Variants in CPA3 observed in about 807,000 individuals in gnomAD.
CPA3 encodes the protein mast cell carboxypeptidase A.
Under a neutral mutation model 55.8 loss-of-function variants are expected in CPA3, and 52 were observed. That is an observed-to-expected ratio of 0.93 (90% CI 0.75 to 1.17). The LOEUF (loss-of-function observed/expected upper bound fraction) is 1.17, where lower values mean the gene tolerates loss of function less well. Ranked by LOEUF, CPA3 falls within the 50% of genes most tolerant of loss-of-function variation. The pLI, the probability that CPA3 is intolerant of heterozygous loss-of-function variation, is 0.00. For synonymous variants in CPA3, 179 were observed against 171.2 expected (o/e 1.05, Z -0.36); for missense variants, 547 against 509.1 (o/e 1.07, Z -0.72).
intron 2 of CPA3, among the ~76,000 whole-genome samples, chr3:148,865,804 C>T (rs1015783268): frequency 1.3e-5 from 2 of 152,114 alleles, no homozygotes; most frequent in African/African-American, 4.8e-5. Context: ...ACTATGAAAT[C>T]AGGAGCTGTT....
intron 10 of CPA3, among the ~76,000 whole-genome samples, chr3:148,886,726 TAG>T (rs1245130271): frequency 2.0e-5 from 3 of 152,032 alleles, no homozygotes; most frequent in Non-Finnish European, 2.9e-5. Flanking sequence ...TTAGATGGAG[TAG>T]AGTCTACATT....
intron 2 of CPA3, among the ~76,000 whole-genome samples, chr3:148,868,382 G>C (rs1713964616): frequency 6.6e-6 from 1 of 152,076 alleles, no homozygotes. Flanking sequence ...ATTATTTCAG[G>C]AGAGAGGAGT....
rs551718711 is a variant in CPA3 at position 148,870,984 on chromosome 3, C to T, written c.269+1945C>T. Among the ~76,000 whole-genome samples, 341 of 152,190 alleles carry T rather than the reference C, an allele frequency of 2.2e-3. 1 individual carries two copies. Among genetic ancestry groups the T allele is most frequent in the African/African-American group, 8.0e-3 (333 of 41,500 alleles). ...CGCAATCTGGGTTCACTGCAAGCTC[C>T]GCCTCCCGGGTTCACGCCATTCTCC... On this transcript the variant is annotated intron_variant, in intron 3 of 10. Transcript: ENST00000296046.
At chr3:148,887,688 G>C (rs752917486) in intron 10 of CPA3, among the ~76,000 whole-genome samples, 2 of 152,124 alleles carry the variant, frequency 1.3e-5, no homozygotes, top group Non-Finnish European at 2.9e-5. Context: ...GAATTATTTA[G>C]TAAAAACTAC....
intron 2 of CPA3, among the ~76,000 whole-genome samples, chr3:148,866,766 T>C (rs895315930): frequency 2.6e-5 from 4 of 152,010 alleles, no homozygotes; most frequent in African/African-American, 9.7e-5. Context: ...TTTTTGTTTG[T>C]TATTGTTTTT....
At chr3:148,891,139 G>C (rs57372778) in intron 10 of CPA3, among the ~76,000 whole-genome samples, 1 of 151,900 alleles carries the variant, frequency 6.6e-6, no homozygotes, top group Non-Finnish European at 1.5e-5. Flanking sequence ...TTTCTTCTTC[G>C]GTAAAATGGT....
Position 148,886,348 on chromosome 3 carries a change from C to G in CPA3, c.1066+171C>G, listed in dbSNP as rs139466477. On this transcript the variant is annotated intron_variant, in intron 10 of 10. Coordinates refer to ENST00000296046, the MANE Select transcript of CPA3 (RefSeq NM_001870.4). ...CGTGAATCTAGGGGATAGATTCTGA[C>G]CTTTTCTTGGGATAAGATTTTTCTA... Among the ~76,000 whole-genome samples the G allele has an allele frequency of 2.6e-3, 398 of 152,224 alleles. 1 individual carries two copies. The highest frequency in any genetic ancestry group is 4.6e-3 in the Non-Finnish European group (310 of 68,014).
intron 10 of CPA3, among the ~76,000 whole-genome samples, chr3:148,886,513 T>A (rs1220016497): frequency 6.7e-6 from 1 of 150,256 alleles, no homozygotes; most frequent in Non-Finnish European, 1.5e-5. Context: ...CAGGAACTAA[T>A]GAGAATTCAC....
intron 3 of CPA3, among the ~76,000 whole-genome samples, chr3:148,874,093 T>C (rs1714145317): frequency 6.6e-6 from 1 of 152,190 alleles, no homozygotes; most frequent in Non-Finnish European, 1.5e-5. Flanking sequence ...TTTCCAGCCT[T>C]AGGCTTAATT....
At chr3:148,878,207 T>C (rs191905064) in intron 3 of CPA3, among the ~76,000 whole-genome samples, 16 of 152,302 alleles carry the variant, frequency 1.1e-4, no homozygotes, top group Admixed American at 9.8e-4. Context: ...ATGTCCTGTA[T>C]GCACTTGGGG....
rs148336013 is a variant in CPA3, at chr3:148,873,375, G to GCA, written c.269+4337_269+4338insAC. Among the ~76,000 whole-genome samples the GCA allele has an allele frequency of 9.6e-4, 114 of 118,972 alleles. 1 individual carries two copies. The highest frequency in any genetic ancestry group is 1.8e-3 in the Non-Finnish European group (94 of 52,748). The allele number at this position is 118,972 out of a possible 152,430, so 78.1% of individuals were successfully genotyped here. A position where few individuals can be genotyped will look rare whatever the true frequency, so the allele number is the denominator to read the frequency against. ...CCCCAGTGCATGCACGCGCGCACACGCGCACACACACACACACACACACAC... is the reference window on the plus strand; with the variant it reads ...CCCCAGTGCATGCACGCGCGCACACGCACGCACACACACACACACACACACAC... On this transcript the variant is annotated intron_variant, in intron 3 of 10. Coordinates refer to ENST00000296046, the MANE Select transcript of CPA3 (RefSeq NM_001870.4).
At chr3:148,893,833 G>T (rs548069903) in intron 10 of CPA3, among the ~76,000 whole-genome samples, 8 of 152,188 alleles carry the variant, frequency 5.3e-5, no homozygotes, top group African/African-American at 1.9e-4. Flanking sequence ...GATTTTTCAT[G>T]TGAAACCATG....
In CPA3 at chr3:148,883,596, AC is replaced by A. The variant is rs1282147069; in HGVS notation, c.779-15del. On this transcript the variant is annotated splice_polypyrimidine_tract_variant and intron_variant, in intron 8 of 10. Coordinates refer to ENST00000296046, the MANE Select transcript of CPA3 (RefSeq NM_001870.4). ...TGGGGAGCAGACTGTGGTCTCATCC[AC>A]CTATGTCTTCTGCAGCCATTCCTAA... 1 of 1,608,792 alleles carries A rather than the reference AC, an allele frequency of 6.2e-7. No individual in the cohort carries two copies. The highest frequency in any genetic ancestry group is 1.1e-5 in the South Asian group (1 of 90,956).
intron 3 of CPA3, 131 bp downstream of exon 3, chr3:148,869,170 A>G: frequency 2.9e-6 from 3 of 1,032,082 alleles, no homozygotes; most frequent in Non-Finnish European, 4.1e-6. Context: ...TGTAAGATAC[A>G]GATCACAGTT....
chr3:148,896,162 T>TG (rs35685590), intron 10 of CPA3, among the ~76,000 whole-genome samples: 66,041 of 151,984 alleles, frequency 0.43, 16,720 homozygotes, highest in Non-Finnish European at 0.57. Context: ...AGTTTTTCCC[T>TG]GGTGGTTTTC....
chr3:148,896,848 G>A lies in CPA3; in HGVS notation c.*141G>A, dbSNP rs183788880. ...CTCATTTAAGTCCCATGTTACTGCT[G>A]TTTGCTTTTACTTACTTTCAGTAGC... On this transcript the variant is annotated 3_prime_UTR_variant, in exon 11 of 11. Transcript: ENST00000296046. The A allele has an allele frequency of 2.6e-5, 17 of 665,878 alleles. No homozygotes were observed. The highest frequency in any genetic ancestry group is 1.8e-4 in the African/African-American group (10 of 54,970). The allele number at this position is 665,878 out of a possible 1,614,324, so 41.2% of individuals were successfully genotyped here.
Position 148,875,166 on chromosome 3 carries a change from A to G in CPA3, c.270-3275A>G, listed in dbSNP as rs184060245. On this transcript the variant is annotated intron_variant, in intron 3 of 10. Coordinates refer to ENST00000296046, the MANE Select transcript of CPA3 (RefSeq NM_001870.4). ...TTTATAGTGACGGAAAGAGTACATGATATTGTCCCAAAGACTAGAGTGAAT... is the reference window on the plus strand; with the variant it reads ...TTTATAGTGACGGAAAGAGTACATGGTATTGTCCCAAAGACTAGAGTGAAT... Among the ~76,000 whole-genome samples the G allele has an allele frequency of 8.5e-5, 13 of 152,266 alleles. No homozygotes were observed. In the East Asian group the frequency reaches 2.5e-3, roughly 29 times the overall value.
At chr3:148,886,001 T>G (rs1714517456) in intron 9 of CPA3, 92 bp from the exon 10 acceptor site, 1 of 841,620 alleles carries the variant, frequency 1.2e-6, no homozygotes, top group African/African-American at 1.7e-5. Context: ...CCTGTAAGAC[T>G]CCATTAAAAA....
chr3:148,875,255 G>A (rs1359136256), intron 3 of CPA3, among the ~76,000 whole-genome samples: 2 of 152,162 alleles, frequency 1.3e-5, no homozygotes, highest in East Asian at 3.8e-4. Flanking sequence ...AAAAATACAT[G>A]TGCATTTCAT....
Sources: allele counts gnomAD v4.1 joint callset (sites outside exome capture counted in the v4.1 genomes callset), GRCh38; gene constraint gnomAD v4.1.1; transcripts MANE v1.5; gene names NCBI Gene and HGNC (gene_info 2026-07-23, HGNC 2026-07-21).